CDR2L: variants seen among roughly 807,000 people sequenced by gnomAD.
CDR2L encodes the protein cerebellar degeneration related protein 2 like, also known as cerebellar degeneration-related protein 2-like.
In CDR2L, 19 loss-of-function variants were observed where a neutral mutation model predicts 36.1. The ratio of observed to expected loss-of-function variants is 0.53; its 90% CI spans 0.37 to 0.77. CDR2L has a LOEUF of 0.77. Ranked by LOEUF, CDR2L falls within the 30% of genes least tolerant of loss-of-function variation. The pLI, the probability that CDR2L is intolerant of heterozygous loss-of-function variation, is 0.00. For synonymous variants in CDR2L, 285 were observed against 280.4 expected (o/e 1.02, Z -0.16); for missense variants, 575 against 627.2 (o/e 0.92, Z 0.89).
Position 75,003,280 on chromosome 17 carries a change from C to G in CDR2L, c.604C>G (p.Leu202Val). 6.4e-7 allele frequency: 1 copy of G among 1,556,538 alleles called. No individual in the cohort carries two copies. The change falls in exon 5 of 5, where the codon CTG becomes GTG. Residue 202 changes from leucine to valine, a missense_variant. Coordinates refer to ENST00000337231, the MANE Select transcript of CDR2L (RefSeq NM_014603.3). ...GCGGCTGCAGACCCTGGTGGGGGCG[C>G]TGCGCTCCCAGGTGAGCCAGGAGCG... ...NERLQTLVGA[L>V]RSQVSQERQR...
At position 75,002,138 on chromosome 17, in the gene CDR2L, T is replaced by C. The variant is rs752442085; in HGVS notation, c.416T>C (p.Leu139Pro). ...LQAQVEQLRG[L>P]EQLRVLREKR... The stretch of plus-strand genomic sequence containing the variant: ...GCCCAGGTGGAGCAACTGAGAGGCC[T>C]GGAACAGCTGCGAGTGCTCCGGGAG... Residue 139 changes from leucine to proline, a missense_variant, in exon 4 of 5, where the codon CTG becomes CCG. Physicochemically the swap from Leu to Pro is moderately conservative, Grantham distance 98. Coordinates refer to ENST00000337231, the MANE Select transcript of CDR2L (RefSeq NM_014603.3). The surrounding 1 kb of genome is among the most constrained non-coding windows in gnomAD (Gnocchi z 4.1). 3 of 1,604,212 alleles carry C rather than the reference T, an allele frequency of 1.9e-6. No homozygotes were observed. Among genetic ancestry groups the C allele is most frequent in the African/African-American group, 1.3e-5 (1 of 74,810 alleles).
At chr17:74,988,196 C>A in intron 1 of CDR2L, 74 bp downstream of exon 1, 1 of 1,134,720 alleles carries the variant, frequency 8.8e-7, no homozygotes, top group Non-Finnish European at 1.2e-6. Flanking sequence ...CATTGTTGGG[C>A]GCTATCACCC....
intron 2 of CDR2L, among the ~76,000 whole-genome samples, chr17:75,001,116 T>G (rs924583860): frequency 6.7e-6 from 1 of 149,558 alleles, no homozygotes; most frequent in Non-Finnish European, 1.5e-5. Flanking sequence ...CACCTATAGT[T>G]CCAGCTACTC....
At chr17:75,000,730 C>A (rs185925411) in intron 2 of CDR2L, among the ~76,000 whole-genome samples, 1 of 149,814 alleles carries the variant, frequency 6.7e-6, no homozygotes, top group East Asian at 2.0e-4. Context: ...CTGGCTAACA[C>A]GGTGAAACCC....
Position 75,004,158 on chromosome 17 carries a change from G to A in CDR2L, c.*84G>A. 8.1e-7 allele frequency: 1 copy of A among 1,232,942 alleles called. No homozygotes were observed. Among genetic ancestry groups the A allele is most frequent in the Non-Finnish European group, 1.1e-6 (1 of 898,138 alleles). The allele number at this position is 1,232,942 out of a possible 1,614,324, so 76.4% of individuals were successfully genotyped here. ...GCGGTGCAGCTTCCAGAGAGCGAGC[G>A]CCCTTTAGCGGCCTGCCACCACAGC... On this transcript the variant is annotated 3_prime_UTR_variant, in exon 5 of 5. Coordinates refer to ENST00000337231, the MANE Select transcript of CDR2L (RefSeq NM_014603.3).
At chr17:74,990,647 G>T (rs2039790959) in intron 1 of CDR2L, among the ~76,000 whole-genome samples, 1 of 152,258 alleles carries the variant, frequency 6.6e-6, no homozygotes, top group Non-Finnish European at 1.5e-5. Flanking sequence ...CTTGTACCAA[G>T]TCATGGAGCG....
At chr17:74,994,449 G>A (rs1360171779) in intron 1 of CDR2L, among the ~76,000 whole-genome samples, 1 of 152,118 alleles carries the variant, frequency 6.6e-6, no homozygotes, top group Non-Finnish European at 1.5e-5. Context: ...GCCTCAAGAA[G>A]GCCTACCTTT....
At position 75,001,501 on chromosome 17, in the gene CDR2L, G is replaced by A; in HGVS notation, c.341+12G>A. 6.5e-7 allele frequency: 1 copy of A among 1,532,690 alleles called. No homozygotes were observed. Among genetic ancestry groups the A allele is most frequent in the Non-Finnish European group, 8.8e-7 (1 of 1,141,846 alleles). 94.9% of individuals were successfully genotyped at this position (1,532,690 alleles called of 1,614,324 possible). A position where few individuals can be genotyped will look rare whatever the true frequency, so the allele number is the denominator to read the frequency against. On this transcript the variant is annotated intron_variant, in intron 3 of 4. Coordinates refer to ENST00000337231, the MANE Select transcript of CDR2L (RefSeq NM_014603.3). ...CAGAAGATCCATGGGTGAGGGCCCG[G>A]CTGAGGGCTGGGGGGCGGGCGAGGG... is the stretch of plus-strand genomic sequence containing the variant.
chr17:74,993,817 A>G (rs1443415776), intron 1 of CDR2L, among the ~76,000 whole-genome samples: 1 of 152,192 alleles, frequency 6.6e-6, no homozygotes. Context: ...CAGATGACAC[A>G]GGGCCCTCCT....
Position 75,003,190 on chromosome 17 carries a change from G to C in CDR2L, c.514G>C (p.Asp172His). Reference sequence around the variant, plus strand: ...ACTCTCACTACCCGCCAGGTGCAAGGATGCTTTCCGCCTACACAGTTCCTC... The same window carrying C: ...ACTCTCACTACCCGCCAGGTGCAAGCATGCTTTCCGCCTACACAGTTCCTC... Reference protein sequence around the residue: ...KELCTSPRCKDAFRLHSSSLE... With the variant: ...KELCTSPRCKHAFRLHSSSLE... The change falls in exon 5 of 5, where the codon GAT becomes CAT. Residue 172 changes from aspartate to histidine, a missense_variant. Asp to His is a moderately conservative substitution (Grantham distance 81, BLOSUM62 -1). Coordinates refer to ENST00000337231, the MANE Select transcript of CDR2L (RefSeq NM_014603.3). 6.4e-7 allele frequency: 1 copy of C among 1,562,460 alleles called. No homozygotes were observed. The highest frequency in any genetic ancestry group is 8.7e-7 in the Non-Finnish European group (1 of 1,154,434).
At position 75,003,900 on chromosome 17, in the gene CDR2L, G is replaced by A. The variant is rs2039886070; in HGVS notation, c.1224G>A (p.Gln408=). ...WRDLRGGEEG[Q]GEVKAGEKSL... is the part of the protein sequence containing the mutation. ...ACCTGCGCGGGGGTGAGGAGGGCCA[G>A]GGTGAGGTCAAGGCAGGAGAGAAGA... Residue 408 remains glutamine (Q), a synonymous_variant, in exon 5 of 5, where the codon CAG becomes CAA. Transcript: ENST00000337231. 6.2e-7 allele frequency: 1 copy of A among 1,608,234 alleles called. No homozygotes were observed. The highest frequency in any genetic ancestry group is 8.5e-7 in the Non-Finnish European group (1 of 1,177,664).
In CDR2L at chr17:75,004,264, C is replaced by T; in HGVS notation, c.*190C>T. On this transcript the variant is annotated 3_prime_UTR_variant, in exon 5 of 5. Transcript: ENST00000337231. ...CCACCTGTCCTGCCTCCCAGGAGCC[C>T]TTGGCCACCTCGCGCCAGCCCAAAG... The T allele has an allele frequency of 1.7e-6, 1 of 579,888 alleles. No individual in the cohort carries two copies. Among genetic ancestry groups the T allele is most frequent in the Non-Finnish European group, 3.0e-6 (1 of 330,934 alleles). The allele number at this position is 579,888 out of a possible 1,614,324, so 35.9% of individuals were successfully genotyped here.
intron 2 of CDR2L, among the ~76,000 whole-genome samples, chr17:75,000,433 A>G (rs2039858127): frequency 6.7e-6 from 1 of 149,586 alleles, no homozygotes; most frequent in African/African-American, 2.4e-5. Context: ...AGTAGCTGGG[A>G]CTACAGGCGC....
chr17:75,003,273 G>T lies in CDR2L; in HGVS notation c.597G>T (p.Val199=), dbSNP rs1479671579. Residue 199 remains valine (V), a synonymous_variant, in exon 5 of 5, where the codon GTG becomes GTT. Transcript: ENST00000337231. ...EQENERLQTL[V]GALRSQVSQE... The stretch of plus-strand genomic sequence containing the variant: ...AGAACGAGCGGCTGCAGACCCTGGT[G>T]GGGGCGCTGCGCTCCCAGGTGAGCC... 8 of 1,557,472 alleles carry T rather than the reference G, an allele frequency of 5.1e-6. No homozygotes were observed. Among genetic ancestry groups the T allele is most frequent in the East Asian group, 4.8e-5 (2 of 41,440 alleles).
At position 75,004,419 on chromosome 17, in the gene CDR2L, T is replaced by A; in HGVS notation, c.*345T>A. On this transcript the variant is annotated 3_prime_UTR_variant, in exon 5 of 5. Coordinates refer to ENST00000337231, the MANE Select transcript of CDR2L (RefSeq NM_014603.3). The stretch of plus-strand genomic sequence containing the variant: ...CCAGGCTTCTGAAAGCCATTCTGGA[T>A]CAGTTGGCTTTTTTTTTTTTTTTGG... The A allele has an allele frequency of 4.8e-6, 1 of 208,452 alleles. No homozygotes were observed. Among genetic ancestry groups the A allele is most frequent in the Non-Finnish European group, 9.0e-6 (1 of 111,680 alleles). 12.9% of individuals were successfully genotyped at this position (208,452 alleles called of 1,614,324 possible).
Position 74,997,069 on chromosome 17 carries a change from TTTCTTTCTTTCTTTC to T in CDR2L, c.80-2432_80-2418del, listed in dbSNP as rs1317221001. 7.1e-3 allele frequency among the ~76,000 whole-genome samples: 32 copies of T among 4,516 alleles called. 2 individuals carry two copies. Among genetic ancestry groups the T allele is most frequent in the Non-Finnish European group, 0.026 (17 of 664 alleles). The allele number at this position is 4,516 out of a possible 152,430, so 3.0% of individuals were successfully genotyped here. A position where few individuals can be genotyped will look rare whatever the true frequency, so the allele number is the denominator to read the frequency against. On this transcript the variant is annotated intron_variant, in intron 1 of 4. Transcript: ENST00000337231. The stretch of plus-strand genomic sequence containing the variant: ...CTTTCTTTCTTTCTTTCTTTCTTTC[TTTCTTTCTTTCTTTC>T]TTTTTTTTTTTTGAGACTGAGTCTC...
At chr17:74,988,232 G>T (rs2039775654) in intron 1 of CDR2L, 110 bp downstream of exon 1, 3 of 718,732 alleles carry the variant, frequency 4.2e-6, no homozygotes, top group South Asian at 5.0e-5. Context: ...TGGACCGGGC[G>T]CGCCCGACTC....
intron 1 of CDR2L, among the ~76,000 whole-genome samples, chr17:74,996,951 G>A (rs1873598): frequency 0.93 from 142,043 of 152,168 alleles, 66,921 homozygotes; most frequent in East Asian, 1. Flanking sequence ...GTTGGGCCAA[G>A]AAGTTCTGAA....
rs2039869345 is a variant in CDR2L at position 75,001,936 on chromosome 17, A to G, written c.342-128A>G. ...ATTCCCCATCCTACCTCAGGACCAGACAGCGGCTCAAGGGTACCTGTCTGC... is the reference window on the plus strand; with the variant it reads ...ATTCCCCATCCTACCTCAGGACCAGGCAGCGGCTCAAGGGTACCTGTCTGC... On this transcript the variant is annotated intron_variant, in intron 3 of 4. Coordinates refer to ENST00000337231, the MANE Select transcript of CDR2L (RefSeq NM_014603.3). 3.9e-6 allele frequency: 3 copies of G among 765,768 alleles called. No individual in the cohort carries two copies. The East Asian group carries it at 8.8e-5, about 22-fold the overall frequency. The allele number at this position is 765,768 out of a possible 1,614,324, so 47.4% of individuals were successfully genotyped here.
Sources: allele counts gnomAD v4.1 joint callset (sites outside exome capture counted in the v4.1 genomes callset), GRCh38; gene constraint gnomAD v4.1.1; non-coding constraint Gnocchi (gnomAD v3.1); transcripts MANE v1.5; gene names NCBI Gene and HGNC (gene_info 2026-07-23, HGNC 2026-07-21).